The following LYZL4 variants were observed in gnomAD, a reference collection of about 807,000 sequenced individuals.
LYZL4 encodes lysozyme like 4, also known as lysozyme-like protein 4.
LYZL4 carries 13 observed loss-of-function variants against 17.6 expected under a neutral mutation model. That is an observed-to-expected ratio of 0.74 (90% CI 0.48 to 1.18). The LOEUF is 1.18. Among genes scored for constraint, LYZL4 ranks in the 50% most tolerant of loss-of-function variants. LYZL4 has a pLI of 0.00. For synonymous variants in LYZL4, 64 were observed against 67.7 expected (o/e 0.95, Z 0.27); for missense variants, 174 against 188.2 (o/e 0.92, Z 0.44).
At chr3:42,370,565 A>C in the LYZL4 span, among the ~76,000 whole-genome samples, 1 of 152,162 alleles carries the variant, frequency 6.6e-6, no homozygotes, top group Non-Finnish European at 1.5e-5. Flanking sequence ...AGAAAAATGA[A>C]ATGTTTGTTG....
At chr3:42,370,056 G>A in the LYZL4 span, among the ~76,000 whole-genome samples, 1 of 152,142 alleles carries the variant, frequency 6.6e-6, no homozygotes, top group African/African-American at 2.4e-5. Context: ...CCCACGCTGT[G>A]AAGCTGGGGG....
chr3:42,376,774 CT>C, the LYZL4 span, among the ~76,000 whole-genome samples: 2 of 152,188 alleles, frequency 1.3e-5, no homozygotes, highest in African/African-American at 2.4e-5. Context: ...GGGAGCCATA[CT>C]GCTGCAAAAG....
At chr3:42,369,719 C>T in the LYZL4 span, among the ~76,000 whole-genome samples, 1 of 152,156 alleles carries the variant, frequency 6.6e-6, no homozygotes, top group African/African-American at 2.4e-5. Context: ...GGAATGCTTT[C>T]GACTTGGATC....
chr3:42,383,807 T>C, the LYZL4 span, among the ~76,000 whole-genome samples: 1 of 151,478 alleles, frequency 6.6e-6, no homozygotes, highest in Non-Finnish European at 1.5e-5. Flanking sequence ...GTCGAGAAAA[T>C]TGAGAAAAGT....
the LYZL4 span, among the ~76,000 whole-genome samples, chr3:42,382,323 T>C: frequency 6.6e-6 from 1 of 152,100 alleles, no homozygotes; most frequent in Non-Finnish European, 1.5e-5. Context: ...ATTGTGTTTC[T>C]GTGTGTGTGT....
the LYZL4 span, among the ~76,000 whole-genome samples, chr3:42,373,696 C>A: frequency 1.3e-5 from 2 of 152,058 alleles, no homozygotes; most frequent in African/African-American, 4.8e-5. Context: ...AATTAAGAAG[C>A]CCTGTGCATC....
At chr3:42,393,344 C>CACAT (rs2125598036), downstream of LYZL4, among the ~76,000 whole-genome samples, 1 of 151,970 alleles carries the variant, frequency 6.6e-6, no homozygotes, top group African/African-American at 2.4e-5. Flanking sequence ...CGTGCACACA[C>CACAT]ACACACACAC....
chr3:42,406,812 AG>A (rs1698761968), intron 3 of LYZL4, 33 bp downstream of exon 3: 1 of 1,611,032 alleles, frequency 6.2e-7, no homozygotes, highest in Non-Finnish European at 8.5e-7. Context: ...CATAGCCTCC[AG>A]TGCCCCCGCA....
intron 1 of LYZL4, among the ~76,000 whole-genome samples, chr3:42,409,465 TG>T (rs1266717640): frequency 1.3e-5 from 2 of 152,220 alleles, no homozygotes; most frequent in Non-Finnish European, 2.9e-5. Flanking sequence ...CAACATTTTC[TG>T]GTAATGTCTG....
chr3:42,407,703 T>TA (rs374114728), intron 1 of LYZL4, among the ~76,000 whole-genome samples: 221 of 140,076 alleles, frequency 1.6e-3, no homozygotes, highest in Middle Eastern at 3.7e-3. Flanking sequence ...AAAGAGAAAT[T>TA]AAAAAAAAAA....
chr3:42,395,977 G>A (rs903782280), downstream of LYZL4, among the ~76,000 whole-genome samples: 3 of 152,060 alleles, frequency 2.0e-5, no homozygotes, highest in Non-Finnish European at 4.4e-5. Flanking sequence ...CAGAAGAATC[G>A]CTTGAACCTG....
chr3:42,400,210 C>T (rs891321362), intron 4 of LYZL4, among the ~76,000 whole-genome samples: 2 of 152,250 alleles, frequency 1.3e-5, no homozygotes, highest in Non-Finnish European at 2.9e-5. Flanking sequence ...GTCCTTTCTC[C>T]CCCACCACCC....
At chr3:42,370,495 C>T in the LYZL4 span, among the ~76,000 whole-genome samples, 1 of 152,156 alleles carries the variant, frequency 6.6e-6, no homozygotes. Context: ...GTATTACAGA[C>T]CTAAACTCAG....
At chr3:42,396,937 T>C (rs1698558179), downstream of LYZL4, 1 of 184,684 alleles carries the variant, frequency 5.4e-6, no homozygotes, top group Non-Finnish European at 1.1e-5. Flanking sequence ...TGTTTAGTAT[T>C]GACATTCATG....
At chr3:42,391,416 A>G in the LYZL4 span, among the ~76,000 whole-genome samples, 1 of 152,192 alleles carries the variant, frequency 6.6e-6, no homozygotes, top group Non-Finnish European at 1.5e-5. Context: ...AAGGAGCTCA[A>G]GGAGTAGTGA....
chr3:42,382,918 C>T, the LYZL4 span, among the ~76,000 whole-genome samples: 6 of 152,100 alleles, frequency 3.9e-5, no homozygotes, highest in African/African-American at 9.6e-5. Flanking sequence ...TGCCCCTAGG[C>T]GGCCTCAGAG....
chr3:42,387,757 C>T, the LYZL4 span, among the ~76,000 whole-genome samples: 1 of 152,208 alleles, frequency 6.6e-6, no homozygotes, highest in Non-Finnish European at 1.5e-5. Context: ...AATTCAGCAA[C>T]ATGGATCATC....
chr3:42,378,828 C>T, the LYZL4 span, among the ~76,000 whole-genome samples: 4 of 152,164 alleles, frequency 2.6e-5, no homozygotes, highest in African/African-American at 4.8e-5. Flanking sequence ...ACTTCATTCT[C>T]GCAGCAATCT....
the LYZL4 span, among the ~76,000 whole-genome samples, chr3:42,360,965 AATTT>A: frequency 6.6e-6 from 1 of 152,058 alleles, no homozygotes; most frequent in African/African-American, 2.4e-5. Context: ...TTTTTGATTT[AATTT>A]ATTTTGTGAA....
Sources: allele counts gnomAD v4.1 joint callset (sites outside exome capture counted in the v4.1 genomes callset), GRCh38; gene constraint gnomAD v4.1.1; transcripts MANE v1.5; gene names NCBI Gene and HGNC (gene_info 2026-07-23, HGNC 2026-07-21).